KCNK10: variants seen among roughly 807,000 people sequenced by gnomAD.
KCNK10 encodes the protein potassium two pore domain channel subfamily K member 10.
In KCNK10, 25 loss-of-function variants were observed where a neutral mutation model predicts 47.7. That is an observed-to-expected ratio of 0.52 (90% CI 0.38 to 0.73). The LOEUF (loss-of-function observed/expected upper bound fraction) is 0.73. Ranked by LOEUF, KCNK10 falls within the 30% of genes least tolerant of loss-of-function variation. The pLI, the probability that KCNK10 is intolerant of heterozygous loss-of-function variation, is 0.00. For synonymous variants in KCNK10, 303 were observed against 285.6 expected (o/e 1.06, Z -0.61); for missense variants, 563 against 714.5 (o/e 0.79, Z 2.42).
chr14:88,283,242 A>G (rs1887689246), intron 1 of KCNK10, among the ~76,000 whole-genome samples: 1 of 152,242 alleles, frequency 6.6e-6, no homozygotes, highest in Non-Finnish European at 1.5e-5. Context: ...TATGTAAAAA[A>G]TCAGTCAAGA....
intron 1 of KCNK10, among the ~76,000 whole-genome samples, chr14:88,269,538 G>A (rs1887351960): frequency 6.6e-6 from 1 of 152,126 alleles, no homozygotes; most frequent in Non-Finnish European, 1.5e-5. Flanking sequence ...CCTGGCTTGA[G>A]CTATCCTCCC....
Position 88,186,060 on chromosome 14 carries a change from A to T in KCNK10, c.1107T>A (p.Asp369Glu), listed in dbSNP as rs760136183. The T allele has an allele frequency of 2.5e-6, 4 of 1,611,534 alleles. No individual in the cohort carries two copies. Among genetic ancestry groups the T allele is most frequent in the East Asian group, 4.5e-5 (2 of 44,846 alleles). Residue 369 changes from aspartate (D) to glutamate (E), a missense_variant, in exon 7 of 7, where the codon GAT (aspartate) becomes GAA (glutamate). Transcript: ENST00000319231. The surrounding 1 kb of genome is among the most constrained non-coding windows in gnomAD (Gnocchi z 5.5). Reference sequence around the variant, plus strand: ...GGATGGTGGCCGCCCGCTGCAGCTTATCGTGGATCTCCACGCTGAGCCTTC... The same window carrying T: ...GGATGGTGGCCGCCCGCTGCAGCTTTTCGTGGATCTCCACGCTGAGCCTTC... ...TRRRLSVEIH[D>E]KLQRAATIRS...
intron 3 of KCNK10, among the ~76,000 whole-genome samples, chr14:88,227,899 T>C (rs1886038027): frequency 6.6e-6 from 1 of 152,178 alleles, no homozygotes; most frequent in African/African-American, 2.4e-5. Context: ...ACTGCACTTA[T>C]TAGATTTGAC....
intron 4 of KCNK10, among the ~76,000 whole-genome samples, chr14:88,208,384 C>T (rs1330912494): frequency 6.6e-6 from 1 of 152,126 alleles, no homozygotes; most frequent in Non-Finnish European, 1.5e-5. Flanking sequence ...TCCTCTTCTT[C>T]CTCTTCCTTG....
rs1251097777 is a variant in KCNK10, at chr14:88,181,757, C to A, written c.*3778G>T. 3.9e-5 allele frequency: 6 copies of A among 152,194 alleles called. No individual in the cohort carries two copies. Among genetic ancestry groups the A allele is most frequent in the Non-Finnish European group, 7.4e-5 (5 of 68,008 alleles). 9.4% of individuals were successfully genotyped at this position (152,194 alleles called of 1,614,324 possible). A position where few individuals can be genotyped will look rare whatever the true frequency, so the allele number is the denominator to read the frequency against. ...TCACCTTAACCTAAAATGGGCAAGACAATTAATTAGTCATTATTCACAAAT... is the reference window on the plus strand; with the variant it reads ...TCACCTTAACCTAAAATGGGCAAGAAAATTAATTAGTCATTATTCACAAAT... On this transcript the variant is annotated 3_prime_UTR_variant, in exon 7 of 7. Transcript: ENST00000319231.
In KCNK10 at chr14:88,323,230, G is replaced by GCA. The variant is rs1380800720; in HGVS notation, c.-434_-433dup. 4 of 1,008,468 alleles carry GCA rather than the reference G, an allele frequency of 4.0e-6. No individual in the cohort carries two copies. The highest frequency in any genetic ancestry group is 5.5e-5 in the Admixed American group (1 of 18,332). 62.5% of individuals were successfully genotyped at this position (1,008,468 alleles called of 1,614,324 possible). ...CGAAGGCGTGTGCGCACACACTCCC[G>GCA]CACACACACACCCGCACACACACTC... On this transcript the variant is annotated 5_prime_UTR_variant, in exon 1 of 7. Coordinates refer to ENST00000319231, the MANE Select transcript of KCNK10 (RefSeq NM_138317.3).
At chr14:88,318,505 GGA>G (rs1888474471) in intron 1 of KCNK10, among the ~76,000 whole-genome samples, 1 of 152,220 alleles carries the variant, frequency 6.6e-6, no homozygotes, top group Non-Finnish European at 1.5e-5. Flanking sequence ...GGGAACAGGA[GGA>G]GAGGTCTTTC....
intron 4 of KCNK10, among the ~76,000 whole-genome samples, chr14:88,215,083 C>G (rs1428918450): frequency 6.6e-6 from 1 of 152,000 alleles, no homozygotes; most frequent in Admixed American, 6.5e-5. Context: ...AATTAAGAAA[C>G]AATAATGATC....
At chr14:88,274,758 C>T (rs1040742437) in intron 1 of KCNK10, among the ~76,000 whole-genome samples, 7 of 152,008 alleles carry the variant, frequency 4.6e-5, no homozygotes, top group Admixed American at 1.3e-4. Context: ...GGGGCATCTA[C>T]AAACTTGATG....
At chr14:88,242,383 T>A (rs573560745) in intron 2 of KCNK10, among the ~76,000 whole-genome samples, 2 of 152,194 alleles carry the variant, frequency 1.3e-5, no homozygotes, top group African/African-American at 4.8e-5. Context: ...TTTTAAATAA[T>A]CTTTTAAATA....
At chr14:88,217,159 T>C (rs1885648358) in intron 4 of KCNK10, among the ~76,000 whole-genome samples, 1 of 152,080 alleles carries the variant, frequency 6.6e-6, no homozygotes, top group African/African-American at 2.4e-5. Flanking sequence ...TCCGTCTCAA[T>C]AAATAAATAA....
rs748829572 is a variant in KCNK10 at position 88,185,493 on chromosome 14, A to G, written c.*42T>C. 1.9e-6 allele frequency: 3 copies of G among 1,580,100 alleles called. No homozygotes were observed. Among genetic ancestry groups the G allele is most frequent in the Non-Finnish European group, 1.7e-6 (2 of 1,161,858 alleles). On this transcript the variant is annotated 3_prime_UTR_variant, in exon 7 of 7. Coordinates refer to ENST00000319231, the MANE Select transcript of KCNK10 (RefSeq NM_138317.3). The surrounding 1 kb of genome is among the most constrained non-coding windows in gnomAD (Gnocchi z 4.3). The stretch of plus-strand genomic sequence containing the variant: ...GTGTGAATATTAAAAACACACACAC[A>G]CACACACACAACGCTCAGTCCAAGA...
intron 1 of KCNK10, among the ~76,000 whole-genome samples, chr14:88,264,318 G>A (rs749160558): frequency 6.6e-6 from 1 of 152,194 alleles, no homozygotes; most frequent in Non-Finnish European, 1.5e-5. Context: ...GGGTTATGAC[G>A]CACACGCAAT....
chr14:88,232,394 T>G (rs1414552929), intron 3 of KCNK10, among the ~76,000 whole-genome samples: 1 of 152,232 alleles, frequency 6.6e-6, no homozygotes, highest in Non-Finnish European at 1.5e-5. Flanking sequence ...AGTGGAAAAT[T>G]GCTCAGGAAG....
At chr14:88,194,021 AC>A (rs1214904107) in intron 4 of KCNK10, among the ~76,000 whole-genome samples, 5 of 152,154 alleles carry the variant, frequency 3.3e-5, no homozygotes, top group African/African-American at 9.7e-5. Context: ...AAAAGGAGGT[AC>A]TTTTCTAACT....
Position 88,322,720 on chromosome 14 carries a change from G to A in KCNK10, c.52+27C>T. The A allele has an allele frequency of 6.2e-7, 1 of 1,613,940 alleles. No individual in the cohort carries two copies. Among genetic ancestry groups the A allele is most frequent in the Non-Finnish European group, 8.5e-7 (1 of 1,179,894 alleles). On this transcript the variant is annotated intron_variant, in intron 1 of 6. Coordinates refer to ENST00000319231, the MANE Select transcript of KCNK10 (RefSeq NM_138317.3). The surrounding 1 kb of genome is among the most constrained non-coding windows in gnomAD (Gnocchi z 4.8). ...CACGCCGGAGACAGAGGCAGGGCGA[G>A]GGCAGCCAAAAGTAGGAAACACCCA... is the stretch of plus-strand genomic sequence containing the variant.
chr14:88,187,885 G>C, intron 6 of KCNK10, 82 bp downstream of exon 6: 20 of 1,453,092 alleles, frequency 1.4e-5, no homozygotes, highest in African/African-American at 2.8e-5. Context: ...AAACACTCCA[G>C]CCCACAGGAC....
intron 3 of KCNK10, chr14:88,235,031 C>G (rs549857472): frequency 8.9e-5 from 40 of 448,594 alleles, no homozygotes; most frequent in Non-Finnish European, 1.8e-4. Context: ...CTGTTTTTAC[C>G]AAGCATGAAA....
At chr14:88,243,881 T>C (rs952010750) in intron 2 of KCNK10, among the ~76,000 whole-genome samples, 3 of 150,932 alleles carry the variant, frequency 2.0e-5, no homozygotes, top group African/African-American at 7.3e-5. Flanking sequence ...TTCAGCTGGG[T>C]TCTATCTGTG....
Sources: gnomAD v4.1 joint callset for allele counts (sites outside exome capture counted in the v4.1 genomes callset) on GRCh38, gnomAD v4.1.1 for gene constraint, Gnocchi (gnomAD v3.1) non-coding constraint, MANE v1.5 for transcripts, NCBI Gene and HGNC (gene_info 2026-07-23, HGNC 2026-07-21) for gene names.